RELL1: variants seen among roughly 807,000 people sequenced by gnomAD.
RELL1 encodes RELT-like protein 1.
In RELL1, 10 loss-of-function variants were observed where a neutral mutation model predicts 23.0. The ratio of observed to expected loss-of-function variants is 0.43; its 90% CI spans 0.27 to 0.74. The LOEUF is 0.74. Among genes scored for constraint, RELL1 ranks in the 30% least tolerant of loss-of-function variants. The pLI is 0.19. For missense variants in RELL1, 315 were observed against 364.4 expected (o/e 0.86, Z 1.10); for synonymous variants, 146 against 146.8 (o/e 0.99, Z 0.04).
chr4:37,660,955 C>T (rs951808052), intron 1 of RELL1, among the ~76,000 whole-genome samples: 9 of 150,966 alleles, frequency 6.0e-5, no homozygotes, highest in Admixed American at 2.0e-4. Flanking sequence ...AGCGTGAACC[C>T]GGGAGGCGGA....
chr4:37,681,056 T>C (rs1185299754), intron 1 of RELL1, among the ~76,000 whole-genome samples: 3 of 151,988 alleles, frequency 2.0e-5, no homozygotes, highest in Non-Finnish European at 2.9e-5. Context: ...AAACTTTAGA[T>C]CTTTGGGGAA....
At chr4:37,630,219 G>A (rs760871666) in intron 6 of RELL1, among the ~76,000 whole-genome samples, 1 of 151,698 alleles carries the variant, frequency 6.6e-6, no homozygotes, top group African/African-American at 2.4e-5. Context: ...CTCCCAAATC[G>A]TCACCGTTGC....
intron 3 of RELL1, among the ~76,000 whole-genome samples, chr4:37,644,446 A>ATTTG (rs1429115134): frequency 6.9e-6 from 1 of 144,738 alleles, no homozygotes; most frequent in Non-Finnish European, 1.5e-5. Flanking sequence ...ATTTTTATTT[A>ATTTG]TTTATTTATT....
chr4:37,628,413 T>TA (rs1720021716), intron 6 of RELL1, among the ~76,000 whole-genome samples: 3 of 152,210 alleles, frequency 2.0e-5, no homozygotes, highest in African/African-American at 7.2e-5. Flanking sequence ...ATACACGGAA[T>TA]GTGCCTTTCA....
intron 6 of RELL1, among the ~76,000 whole-genome samples, chr4:37,618,146 G>GT (rs1190269423): frequency 6.6e-6 from 1 of 152,048 alleles, no homozygotes; most frequent in African/African-American, 2.4e-5. Context: ...TTTATAACTT[G>GT]TTTTTTTCAT....
chr4:37,667,616 A>G (rs1721583029), intron 1 of RELL1, among the ~76,000 whole-genome samples: 1 of 151,400 alleles, frequency 6.6e-6, no homozygotes, highest in African/African-American at 2.4e-5. Context: ...ACCTACAGAT[A>G]ATCATTATCC....
chr4:37,602,409 T>G (rs1170034028), intron 6 of RELL1, among the ~76,000 whole-genome samples: 1 of 135,838 alleles, frequency 7.4e-6, no homozygotes, highest in Non-Finnish European at 1.6e-5. Context: ...AATGGTTTAT[T>G]GCTCTGGCGG....
Position 37,613,335 on chromosome 4 carries a change from A to G in RELL1, c.*11T>C, listed in dbSNP as rs1320089596. 1 of 152,232 alleles carries G rather than the reference A, an allele frequency of 6.6e-6. No homozygotes were observed. Among genetic ancestry groups the G allele is most frequent in the Non-Finnish European group, 1.5e-5 (1 of 68,048 alleles). 9.4% of individuals were successfully genotyped at this position (152,232 alleles called of 1,614,324 possible). ...CAGTCTCTTAGAGCTCTTCAAGTCAAGTCATTGCTGCAAGAGAAAACAAAA... is the reference window on the plus strand; with the variant it reads ...CAGTCTCTTAGAGCTCTTCAAGTCAGGTCATTGCTGCAAGAGAAAACAAAA... On this transcript the variant is annotated 3_prime_UTR_variant, in exon 7 of 7. Transcript: ENST00000454158.
exon 7 of RELL1, chr4:37,591,217 A>G (rs918025065): frequency 3.9e-5 from 18 of 458,092 alleles, no homozygotes; most frequent in Non-Finnish European, 2.7e-5. Context: ...CATTCAGGAC[A>G]CTAGGAGAAA....
Position 37,631,418 on chromosome 4 carries a change from A to G in RELL1, c.786T>C (p.Pro262=). Residue 262 remains proline (P), a synonymous_variant, in exon 6 of 7, where the codon CCT becomes CCC. Coordinates refer to ENST00000454158, the MANE Select transcript of RELL1 (RefSeq NM_001085400.2). ...CTGTGCCACTGCGTTCTCTCTTCACAGGTGTTGCCGGCACCTCCCCATTGA... is the reference window on the plus strand; with the variant it reads ...CTGTGCCACTGCGTTCTCTCTTCACGGGTGTTGCCGGCACCTCCCCATTGA... ...ETVNGEVPAT[P]VKRERSGTE is the part of the protein sequence containing the mutation. The G allele has an allele frequency of 6.2e-7, 1 of 1,614,026 alleles. No individual in the cohort carries two copies. The highest frequency in any genetic ancestry group is 1.1e-5 in the South Asian group (1 of 91,040).
intron 6 of RELL1, among the ~76,000 whole-genome samples, chr4:37,621,238 C>G (rs1719751390): frequency 6.6e-6 from 1 of 152,164 alleles, no homozygotes; most frequent in Non-Finnish European, 1.5e-5. Flanking sequence ...AGGCAGATCA[C>G]AAGATCAGGA....
chr4:37,637,223 G>T (rs146056196), intron 4 of RELL1, among the ~76,000 whole-genome samples: 43 of 152,336 alleles, frequency 2.8e-4, no homozygotes, highest in African/African-American at 1.0e-3. Context: ...GAGCTCTTCT[G>T]TCTCTATGAC....
chr4:37,614,388 G>C (rs1027453652), intron 6 of RELL1, among the ~76,000 whole-genome samples: 2 of 152,134 alleles, frequency 1.3e-5, no homozygotes, highest in Non-Finnish European at 2.9e-5. Flanking sequence ...GAAAGAAAGA[G>C]ATTTATTTCC....
chr4:37,617,941 CACTG>C (rs1227206559), intron 6 of RELL1, among the ~76,000 whole-genome samples: 1 of 152,162 alleles, frequency 6.6e-6, no homozygotes, highest in African/African-American at 2.4e-5. Context: ...GTTAAGGAAT[CACTG>C]AGGGCCAACT....
At chr4:37,608,840 A>G (rs1011833027), downstream of RELL1, among the ~76,000 whole-genome samples, 3 of 152,076 alleles carry the variant, frequency 2.0e-5, no homozygotes, top group African/African-American at 7.2e-5. Flanking sequence ...CGTGTTGGCC[A>G]GGTTGGTCTC....
intron 1 of RELL1, among the ~76,000 whole-genome samples, chr4:37,658,335 A>G (rs1378944879): frequency 6.6e-6 from 1 of 152,224 alleles, no homozygotes; most frequent in Non-Finnish European, 1.5e-5. Flanking sequence ...AGAACAGTTT[A>G]GGGTGAGATG....
chr4:37,606,886 A>G (rs1180376801), downstream of RELL1, among the ~76,000 whole-genome samples: 1 of 152,224 alleles, frequency 6.6e-6, no homozygotes, highest in Non-Finnish European at 1.5e-5. This position sits in a 1 kb window ranked among gnomAD's most constrained non-coding sequence, Gnocchi z 4.1. Flanking sequence ...TACAAAGGGA[A>G]AATAGTAACT....
At chr4:37,634,371 T>C (rs753094048) in intron 5 of RELL1, among the ~76,000 whole-genome samples, 8 of 152,234 alleles carry the variant, frequency 5.3e-5, no homozygotes, top group Non-Finnish European at 1.0e-4. Flanking sequence ...CCCTGAAAGT[T>C]AGCTTGGCTG....
At chr4:37,668,032 A>G (rs1006225519) in intron 1 of RELL1, among the ~76,000 whole-genome samples, 1 of 151,550 alleles carries the variant, frequency 6.6e-6, no homozygotes, top group Non-Finnish European at 1.5e-5. Context: ...TTTTTATAAG[A>G]AAAAAAAAGA....
Sources: gnomAD v4.1 joint callset for allele counts (sites outside exome capture counted in the v4.1 genomes callset) on GRCh38, gnomAD v4.1.1 for gene constraint, Gnocchi (gnomAD v3.1) non-coding constraint, MANE v1.5 for transcripts, NCBI Gene and HGNC (gene_info 2026-07-23, HGNC 2026-07-21) for gene names.